The following EPHA3 variants were observed in gnomAD, a reference collection of about 807,000 sequenced individuals.
The protein encoded by EPHA3 is EPH receptor A3.
EPHA3 carries 42 observed loss-of-function variants against 107.1 expected under a neutral mutation model. That is an observed-to-expected ratio of 0.39 (90% CI 0.31 to 0.51). The LOEUF is 0.51. Among genes scored for constraint, EPHA3 ranks in the 20% least tolerant of loss-of-function variants. The pLI, the probability that EPHA3 is intolerant of heterozygous loss-of-function variation, is 0.78. For synonymous variants in EPHA3, 461 were observed against 424.8 expected (o/e 1.09, Z -1.05); for missense variants, 1,183 against 1,211.2 (o/e 0.98, Z 0.35).
chr3:89,387,603 C>T (rs1398331728), intron 5 of EPHA3, among the ~76,000 whole-genome samples: 1 of 151,960 alleles, frequency 6.6e-6, no homozygotes, highest in Non-Finnish European at 1.5e-5. Flanking sequence ...ATGATTATCC[C>T]CTAGATTTTC....
At chr3:89,117,457 T>C (rs1707284033) in intron 1 of EPHA3, among the ~76,000 whole-genome samples, 1 of 152,076 alleles carries the variant, frequency 6.6e-6, no homozygotes, top group Non-Finnish European at 1.5e-5. Context: ...AGGGATATAT[T>C]CTTTCATTGC....
intron 2 of EPHA3, among the ~76,000 whole-genome samples, chr3:89,131,959 C>T (rs1225293007): frequency 2.6e-5 from 4 of 152,146 alleles, no homozygotes; most frequent in African/African-American, 7.2e-5. Flanking sequence ...GGCCCCTCTG[C>T]GACTCCATGG....
intron 2 of EPHA3, among the ~76,000 whole-genome samples, chr3:89,199,300 A>G (rs924203473): frequency 6.6e-6 from 1 of 152,158 alleles, no homozygotes; most frequent in African/African-American, 2.4e-5. Context: ...TAAAAAGAAC[A>G]TTTTTGCAAT....
chr3:89,253,932 G>A (rs1576267251), intron 3 of EPHA3, among the ~76,000 whole-genome samples: 1 of 151,768 alleles, frequency 6.6e-6, no homozygotes, highest in Non-Finnish European at 1.5e-5. Context: ...TAAATATACT[G>A]TAAGTTTTAG....
chr3:89,298,926 T>C (rs576014319), intron 3 of EPHA3, among the ~76,000 whole-genome samples: 5 of 152,224 alleles, frequency 3.3e-5, no homozygotes, highest in African/African-American at 1.2e-4. Flanking sequence ...ATGAAGATGA[T>C]AATACAGGAA....
intron 2 of EPHA3, among the ~76,000 whole-genome samples, chr3:89,157,874 A>G (rs75687732): frequency 1.3e-5 from 2 of 151,466 alleles, no homozygotes; most frequent in African/African-American, 4.8e-5. Context: ...AAAAAAAAAA[A>G]GGGAAAGAAG....
At chr3:89,353,842 GAGC>G (rs1707887039) in intron 5 of EPHA3, among the ~76,000 whole-genome samples, 1 of 151,316 alleles carries the variant, frequency 6.6e-6, no homozygotes. Flanking sequence ...GACAGTTGGA[GAGC>G]TTCATGAATC....
chr3:89,308,833 A>G (rs1015948228), intron 3 of EPHA3, among the ~76,000 whole-genome samples: 11 of 152,160 alleles, frequency 7.2e-5, no homozygotes, highest in African/African-American at 2.4e-4. Context: ...GAATTAACGA[A>G]GAAGATTCAT....
chr3:89,333,582 C>A (rs2107402677), intron 3 of EPHA3, among the ~76,000 whole-genome samples: 1 of 152,164 alleles, frequency 6.6e-6, no homozygotes, highest in South Asian at 2.1e-4. Flanking sequence ...GTAAATAAAA[C>A]CTAACTGCAG....
rs550059137 is a variant in EPHA3 at position 89,355,795 on chromosome 3, T to A, written c.1306+13705T>A. Among the ~76,000 whole-genome samples the A allele has an allele frequency of 3.4e-4, 51 of 149,984 alleles. 2 individuals carry two copies. Among genetic ancestry groups the A allele is most frequent in the African/African-American group, 1.2e-3 (48 of 41,330 alleles). Reference sequence around the variant, plus strand: ...TCTGGGGGAAATAGAAACTCTTTTTTTTTTAATTAAAAATGTGAATAAATA... The same window carrying A: ...TCTGGGGGAAATAGAAACTCTTTTTATTTTAATTAAAAATGTGAATAAATA... On this transcript the variant is annotated intron_variant, in intron 5 of 16. Coordinates refer to ENST00000336596, the MANE Select transcript of EPHA3 (RefSeq NM_005233.6).
intron 13 of EPHA3, among the ~76,000 whole-genome samples, chr3:89,439,233 C>A (rs1472307514): frequency 6.6e-6 from 1 of 152,164 alleles, no homozygotes; most frequent in Non-Finnish European, 1.5e-5. Context: ...AGAGGCCCAC[C>A]TTGCAGGAAG....
At chr3:89,404,415 T>C (rs1709017425) in intron 7 of EPHA3, among the ~76,000 whole-genome samples, 1 of 152,152 alleles carries the variant, frequency 6.6e-6, no homozygotes, top group Non-Finnish European at 1.5e-5. Flanking sequence ...CAAACAAATA[T>C]AAATCCAGGA....
chr3:89,342,106 A>G lies in EPHA3; in HGVS notation c.1306+16A>G. On this transcript the variant is annotated intron_variant, in intron 5 of 16. Transcript: ENST00000336596. ...AATCAGGCTGGTGAGTACATACTAG[A>G]TGCTTCTTACTCTTATCATATCACG... 6.3e-7 allele frequency: 1 copy of G among 1,591,678 alleles called. No individual in the cohort carries two copies. Among genetic ancestry groups the G allele is most frequent in the South Asian group, 1.1e-5 (1 of 88,868 alleles).
intron 10 of EPHA3, among the ~76,000 whole-genome samples, chr3:89,416,075 A>G (rs1709240980): frequency 6.6e-6 from 1 of 151,468 alleles, no homozygotes; most frequent in African/African-American, 2.4e-5. Flanking sequence ...TGAAAACAGT[A>G]GAAGGAGGGT....
intron 3 of EPHA3, among the ~76,000 whole-genome samples, chr3:89,316,959 A>C (rs943030602): frequency 6.6e-6 from 1 of 151,722 alleles, no homozygotes; most frequent in African/African-American, 2.4e-5. Context: ...GAGAGGCTGA[A>C]TAACCTTTCT....
rs532152102 is a variant in EPHA3 at position 89,241,972 on chromosome 3, T to A, written c.814+31452T>A. The stretch of plus-strand genomic sequence containing the variant: ...AAGCTTATATTGATAGGAAGGTAAA[T>A]AAAATTATACTTCTCTGCATCAGAA... On this transcript the variant is annotated intron_variant, in intron 3 of 16. Coordinates refer to ENST00000336596, the MANE Select transcript of EPHA3 (RefSeq NM_005233.6). Among the ~76,000 whole-genome samples, 127 of 152,202 alleles carry A rather than the reference T, an allele frequency of 8.3e-4. 3 individuals carry two copies. The South Asian group carries it at 0.015, about 18-fold the overall frequency.
chr3:89,108,407 A>AAGAG (rs2106934211), intron 1 of EPHA3, among the ~76,000 whole-genome samples: 1 of 152,302 alleles, frequency 6.6e-6, no homozygotes, highest in East Asian at 1.9e-4. Context: ...GCTCTATGGT[A>AAGAG]CAGGTTCTAA....
At chr3:89,267,058 G>A (rs1467994964) in intron 3 of EPHA3, among the ~76,000 whole-genome samples, 1 of 152,024 alleles carries the variant, frequency 6.6e-6, no homozygotes, top group African/African-American at 2.4e-5. Flanking sequence ...TCCTCAGAGA[G>A]CATAAGACAA....
chr3:89,417,308 T>A (rs1559688305), intron 10 of EPHA3, among the ~76,000 whole-genome samples: 3 of 151,504 alleles, frequency 2.0e-5, no homozygotes, highest in Non-Finnish European at 4.4e-5. Context: ...GCAGGATCCA[T>A]GCTCTTAACC....
Sources: gnomAD v4.1 joint callset for allele counts (sites outside exome capture counted in the v4.1 genomes callset) on GRCh38, gnomAD v4.1.1 for gene constraint, MANE v1.5 for transcripts, NCBI Gene and HGNC (gene_info 2026-07-23, HGNC 2026-07-21) for gene names.